The following ENTPD7 variants were observed in gnomAD, a reference collection of about 807,000 sequenced individuals.
ENTPD7 encodes NTPDase 7.
Under a neutral mutation model 77.9 loss-of-function variants are expected in ENTPD7, and 53 were observed. That is an observed-to-expected ratio of 0.68 (90% CI 0.55 to 0.85). The LOEUF is 0.85. Ranked by LOEUF, ENTPD7 falls within the 40% of genes least tolerant of loss-of-function variation. ENTPD7 has a pLI of 0.00. For synonymous variants in ENTPD7, 248 were observed against 274.9 expected, an observed-to-expected ratio of 0.90 and a Z score of 0.97; for missense variants, 636 against 743.7, an observed-to-expected ratio of 0.86 and a Z score of 1.68.
chr10:99,698,759 C>G lies in ENTPD7; in HGVS notation c.1236C>G (p.Asn412Lys), dbSNP rs1325881704. 5 of 1,614,252 alleles carry G rather than the reference C, an allele frequency of 3.1e-6. No homozygotes were observed. In the Admixed American group the frequency reaches 8.3e-5, roughly 27 times the overall value. ...ATCAATCGCCTATTGACTTCAACAA[C>G]AGCGAGTTCTACGGCTTCTCTGAGT... ...GIYQSPIDFN[N>K]SEFYGFSEFF... Residue 412 changes from asparagine (N) to lysine (K), a missense_variant, in exon 10 of 13, where the codon AAC becomes AAG. This residue lies in a region of ENTPD7 where 486 missense variants were observed against 556.5 expected (regional missense o/e 0.87). Coordinates refer to ENST00000370489, the MANE Select transcript of ENTPD7 (RefSeq NM_020354.5).
At position 99,701,017 on chromosome 10, in the gene ENTPD7, G is replaced by C; in HGVS notation, c.1380G>C (p.Lys460Asn). 6.2e-6 allele frequency: 10 copies of C among 1,614,180 alleles called. No individual in the cohort carries two copies. Among genetic ancestry groups the C allele is most frequent in the Non-Finnish European group, 8.5e-6 (10 of 1,179,998 alleles). ...MAWSVLTQRF[K>N]NGLFSSHADE... is the part of the protein sequence containing the mutation. ...GGTCGGTACTAACTCAGAGATTCAA[G>C]AATGGCCTCTTTTCATCACATGCAG... The change falls in exon 11 of 13, where the codon AAG (lysine) becomes AAC (asparagine). Residue 460 changes from lysine (K) to asparagine (N), a missense_variant. Physicochemically the swap from Lys to Asn is moderately conservative, Grantham distance 94 (BLOSUM62 0). Coordinates refer to ENST00000370489, the MANE Select transcript of ENTPD7 (RefSeq NM_020354.5).
chr10:99,691,209 C>T (rs1396068285), intron 7 of ENTPD7, among the ~76,000 whole-genome samples, 176 bp from the exon 8 acceptor site: 1 of 151,958 alleles, frequency 6.6e-6, no homozygotes, highest in Non-Finnish European at 1.5e-5. Flanking sequence ...CTAGGCTGGT[C>T]TTGAACTCCT....
chr10:99,689,507 C>A (rs1216783172), intron 7 of ENTPD7, among the ~76,000 whole-genome samples: 1 of 152,134 alleles, frequency 6.6e-6, no homozygotes, highest in African/African-American at 2.4e-5. Flanking sequence ...TTTCTTATCC[C>A]CTCATATGTC....
rs2035447787 is a variant in ENTPD7, at chr10:99,659,535, C to G, written c.-149C>G. On this transcript the variant is annotated 5_prime_UTR_variant, in exon 1 of 13. Coordinates refer to ENST00000370489, the MANE Select transcript of ENTPD7 (RefSeq NM_020354.5). The surrounding 1 kb of genome is among the most constrained non-coding windows in gnomAD (Gnocchi z 4.1). ...CGGCTGGGCAAGGGGCCGCGGGGAG[C>G]AGCTCGGGACTGAACCGAGAGGTGC... 6.4e-6 allele frequency: 1 copy of G among 156,900 alleles called. No homozygotes were observed. Among genetic ancestry groups the G allele is most frequent in the South Asian group, 2.0e-4 (1 of 4,978 alleles). The allele number at this position is 156,900 out of a possible 1,614,324, so 9.7% of individuals were successfully genotyped here. A position where few individuals can be genotyped will look rare whatever the true frequency, so the allele number is the denominator to read the frequency against.
chr10:99,696,224 C>T (rs2035974476), intron 9 of ENTPD7, 102 bp downstream of exon 9: 2 of 1,379,042 alleles, frequency 1.5e-6, no homozygotes, highest in Non-Finnish European at 9.8e-7. Flanking sequence ...TCCCTGCTTC[C>T]TCCTTCTTTC....
At chr10:99,689,199 A>G (rs1410084021) in intron 7 of ENTPD7, among the ~76,000 whole-genome samples, 2 of 152,188 alleles carry the variant, frequency 1.3e-5, no homozygotes, top group Admixed American at 6.5e-5. Context: ...AGAATTAACA[A>G]TTTCTAATAT....
chr10:99,711,039 T>C lies in ENTPD7; in HGVS notation c.*6356T>C. On this transcript the variant is annotated 3_prime_UTR_variant, in exon 13 of 13. Coordinates refer to ENST00000370489, the MANE Select transcript of ENTPD7 (RefSeq NM_020354.5). ...TCAATCTGTAATTATCCATTTTCCA[T>C]TCATGCATTCACTAATTCAATATTT... 1.0e-6 allele frequency: 1 copy of C among 985,334 alleles called. No homozygotes were observed. The highest frequency in any genetic ancestry group is 1.2e-6 in the Non-Finnish European group (1 of 829,860). 61.0% of individuals were successfully genotyped at this position (985,334 alleles called of 1,614,324 possible). A position where few individuals can be genotyped will look rare whatever the true frequency, so the allele number is the denominator to read the frequency against.
chr10:99,660,504 G>A (rs1431089497), intron 2 of ENTPD7: 1 of 476,392 alleles, frequency 2.1e-6, no homozygotes, highest in Non-Finnish European at 3.9e-6. Flanking sequence ...TACCATTTGT[G>A]TAAAACCGAG....
chr10:99,670,091 A>G (rs1590039156), intron 3 of ENTPD7, among the ~76,000 whole-genome samples: 2 of 152,154 alleles, frequency 1.3e-5, no homozygotes, highest in Admixed American at 6.5e-5. Flanking sequence ...CATGTGCCAC[A>G]TAAGACATGC....
At chr10:99,685,938 A>C (rs780949116) in intron 6 of ENTPD7, 43 bp downstream of exon 6, 2 of 1,276,940 alleles carry the variant, frequency 1.6e-6, no homozygotes, top group Non-Finnish European at 2.3e-6. Flanking sequence ...CTCTAAGCCA[A>C]CCATGGCACA....
chr10:99,704,467 A>C lies in ENTPD7; in HGVS notation c.1599A>C (p.Glu533Asp), dbSNP rs1439222277. The C allele has an allele frequency of 6.2e-7, 1 of 1,614,082 alleles. No homozygotes were observed. Among genetic ancestry groups the C allele is most frequent in the African/African-American group, 1.3e-5 (1 of 74,924 alleles). The change falls in exon 13 of 13, where the codon GAA becomes GAC. Residue 533 changes from glutamate to aspartate, a missense_variant. Glu to Asp is a conservative substitution (Grantham distance 45). Transcript: ENST00000370489. ...RFLPLRDLRQ[E>D]GVRQAHGSWF... ...TCTTCCCTAGGGATCTTCGGCAGGA[A>C]GGTGTCCGACAAGCCCATGGTAGCT...
chr10:99,675,621 G>A (rs986792645), intron 3 of ENTPD7, among the ~76,000 whole-genome samples: 2 of 145,242 alleles, frequency 1.4e-5, no homozygotes, highest in African/African-American at 2.6e-5. Context: ...TTTTGAGATG[G>A]AGTCTCGCTC....
chr10:99,659,923 A>G lies in ENTPD7; in HGVS notation c.-34A>G. 1 of 1,613,878 alleles carries G rather than the reference A, an allele frequency of 6.2e-7. No individual in the cohort carries two copies. Among genetic ancestry groups the G allele is most frequent in the Non-Finnish European group, 8.5e-7 (1 of 1,179,924 alleles). ...ACCTTCTCAGGGCAAAAGAAAAAGA[A>G]GGTGACAGGCGTTGAGACCACCGAA... On this transcript the variant is annotated 5_prime_UTR_variant, in exon 2 of 13. Transcript: ENST00000370489. This position sits in a 1 kb window ranked among gnomAD's most constrained non-coding sequence, Gnocchi z 4.1.
At chr10:99,690,635 C>T (rs979150020) in intron 7 of ENTPD7, among the ~76,000 whole-genome samples, 6 of 150,912 alleles carry the variant, frequency 4.0e-5, no homozygotes, top group Non-Finnish European at 8.8e-5. Flanking sequence ...CTCCGCCTGT[C>T]GGGTTCAAGC....
Position 99,708,869 on chromosome 10 carries a change from T to C in ENTPD7, c.*4186T>C. On this transcript the variant is annotated 3_prime_UTR_variant, in exon 13 of 13. Coordinates refer to ENST00000370489, the MANE Select transcript of ENTPD7 (RefSeq NM_020354.5). ...CAATGAAATGCTCATTAACAGAATC[T>C]TTCTGCAAGTATAAACAGAATCTAT... The C allele has an allele frequency of 1.0e-6, 1 of 985,434 alleles. No homozygotes were observed. The allele number at this position is 985,434 out of a possible 1,614,324, so 61.0% of individuals were successfully genotyped here. A position where few individuals can be genotyped will look rare whatever the true frequency, so the allele number is the denominator to read the frequency against.
At position 99,709,906 on chromosome 10, in the gene ENTPD7, G is replaced by A; in HGVS notation, c.*5223G>A. ...TTTCTCTGAAAATCTGAGCAATACG[G>A]AGATCCTTTTATTAGTAAAACTGAA... On this transcript the variant is annotated 3_prime_UTR_variant, in exon 13 of 13. Coordinates refer to ENST00000370489, the MANE Select transcript of ENTPD7 (RefSeq NM_020354.5). 2 of 985,410 alleles carry A rather than the reference G, an allele frequency of 2.0e-6. No homozygotes were observed. Among genetic ancestry groups the A allele is most frequent in the Non-Finnish European group, 2.4e-6 (2 of 829,902 alleles). The allele number at this position is 985,410 out of a possible 1,614,324, so 61.0% of individuals were successfully genotyped here. A position where few individuals can be genotyped will look rare whatever the true frequency, so the allele number is the denominator to read the frequency against.
chr10:99,703,579 G>A (rs369447902), intron 12 of ENTPD7, among the ~76,000 whole-genome samples: 153 of 152,358 alleles, frequency 1.0e-3, no homozygotes, highest in African/African-American at 3.1e-3. Context: ...GACTGCTGAA[G>A]AGTGGCTTCT....
In ENTPD7 at chr10:99,708,013, T is replaced by C. The variant is rs1475372490; in HGVS notation, c.*3330T>C. Among the ~76,000 whole-genome samples the C allele has an allele frequency of 1.3e-5, 2 of 152,156 alleles. No homozygotes were observed. Among genetic ancestry groups the C allele is most frequent in the Admixed American group, 6.6e-5 (1 of 15,262 alleles). On this transcript the variant is annotated 3_prime_UTR_variant, in exon 13 of 13. Transcript: ENST00000370489. ...AGATCCCATCACCAGGTGGTGAGCA[T>C]AGTACCTAACAGATAGTTCTTTAAT...
In ENTPD7 at chr10:99,659,941, C is replaced by T. The variant is rs780824152; in HGVS notation, c.-16C>T. 1.2e-5 allele frequency: 20 copies of T among 1,614,030 alleles called. No individual in the cohort carries two copies. Among genetic ancestry groups the T allele is most frequent in the Non-Finnish European group, 1.7e-5 (20 of 1,179,986 alleles). ...AAAAAGAAGGTGACAGGCGTTGAGA[C>T]CACCGAAGGGAACCCATGGCTAGGT... is the stretch of plus-strand genomic sequence containing the variant. On this transcript the variant is annotated 5_prime_UTR_variant, in exon 2 of 13. Transcript: ENST00000370489. The surrounding 1 kb of genome is among the most constrained non-coding windows in gnomAD (Gnocchi z 4.1).
Sources: allele counts gnomAD v4.1 joint callset (sites outside exome capture counted in the v4.1 genomes callset), GRCh38; gene constraint gnomAD v4.1.1; regional missense constraint gnomAD v4.1.1; non-coding constraint Gnocchi (gnomAD v3.1); transcripts MANE v1.5; gene names NCBI Gene and HGNC (gene_info 2026-07-23, HGNC 2026-07-21).